SOX5: variants seen among roughly 807,000 people sequenced by gnomAD.
The protein encoded by SOX5 is transcription factor SOX-5.
In SOX5, 9 loss-of-function variants were observed where a neutral mutation model predicts 92.0. The observed-to-expected ratio is 0.10, with a 90% CI of 0.06 to 0.17. SOX5 has a LOEUF of 0.17. SOX5 is among the 10% of genes least tolerant of loss of function. The pLI, the probability that SOX5 is intolerant of heterozygous loss-of-function variation, is 1.00. For missense variants in SOX5, 642 were observed against 944.5 expected (o/e 0.68, Z 4.20); for synonymous variants, 344 against 336.3 (o/e 1.02, Z -0.25).
intron 4 of SOX5, among the ~76,000 whole-genome samples, chr12:23,975,478 G>C (rs1948799060): frequency 6.6e-6 from 1 of 152,040 alleles, no homozygotes; most frequent in African/African-American, 2.4e-5. Flanking sequence ...ACTACGGTTT[G>C]TTTTATCTTT....
At chr12:24,254,569 T>C (rs1180266877) in intron 3 of SOX5, among the ~76,000 whole-genome samples, 1 of 151,892 alleles carries the variant, frequency 6.6e-6, no homozygotes, top group Non-Finnish European at 1.5e-5. Context: ...TTGAAAATTG[T>C]ACTGAAAGTG....
chr12:24,029,324 GA>G (rs1311332152), intron 4 of SOX5, among the ~76,000 whole-genome samples: 7 of 151,950 alleles, frequency 4.6e-5, no homozygotes, highest in African/African-American at 1.7e-4. Context: ...ACTAAAGCCA[GA>G]GTACACTGGC....
chr12:23,820,202 GTTT>G (rs2096079085), intron 3 of SOX5, among the ~76,000 whole-genome samples: 1 of 152,094 alleles, frequency 6.6e-6, no homozygotes, highest in East Asian at 1.9e-4. Context: ...TTTTTTTCAT[GTTT>G]TTTGGCCGCA....
At chr12:24,102,207 T>C (rs1946171483) in intron 4 of SOX5, among the ~76,000 whole-genome samples, 1 of 152,194 alleles carries the variant, frequency 6.6e-6, no homozygotes, top group South Asian at 2.1e-4. Flanking sequence ...AACTACATAG[T>C]ACAACAAATT....
chr12:23,970,985 G>A lies in SOX5; in HGVS notation c.-1-74961C>T, dbSNP rs555595431. Among the ~76,000 whole-genome samples the A allele has an allele frequency of 2.7e-5, 4 of 148,264 alleles. No individual in the cohort carries two copies. In the East Asian group the frequency reaches 7.9e-4, roughly 29 times the overall value. ...GTAATAGTATATTTAGCTTATTGAA[G>A]AACCATCACACTGTTTTCCATAGCA... On this transcript the variant is annotated intron_variant, in intron 4 of 4. Coordinates refer to the SOX5 transcript ENST00000446891.
At chr12:24,555,560 C>T (rs539270524) in intron 1 of SOX5, among the ~76,000 whole-genome samples, 3 of 151,932 alleles carry the variant, frequency 2.0e-5, no homozygotes, top group Non-Finnish European at 4.4e-5. Flanking sequence ...TAAAATACAT[C>T]GGGCATTTCC....
intron 2 of SOX5, among the ~76,000 whole-genome samples, chr12:24,356,714 A>G (rs1954877901): frequency 6.6e-6 from 1 of 151,672 alleles, no homozygotes; most frequent in Non-Finnish European, 1.5e-5. Context: ...TTTCACCCAA[A>G]TCTTTCCTTA....
intron 4 of SOX5, among the ~76,000 whole-genome samples, chr12:24,133,517 G>T (rs1417698351): frequency 6.6e-6 from 1 of 152,140 alleles, no homozygotes; most frequent in Non-Finnish European, 1.5e-5. Flanking sequence ...TTAGTCCAGG[G>T]ATGTGGTTCT....
chr12:23,743,260 T>C (rs1473989163), intron 4 of SOX5, among the ~76,000 whole-genome samples: 1 of 152,146 alleles, frequency 6.6e-6, no homozygotes, highest in Non-Finnish European at 1.5e-5. Context: ...TAGCTACATA[T>C]TAATAGTAGC....
intron 3 of SOX5, among the ~76,000 whole-genome samples, chr12:24,214,544 A>G (rs1959014744): frequency 6.6e-6 from 1 of 152,160 alleles, no homozygotes; most frequent in African/African-American, 2.4e-5. Context: ...TGACTACATT[A>G]TATGACTTCA....
At chr12:23,881,435 G>T (rs1429298881) in intron 2 of SOX5, among the ~76,000 whole-genome samples, 1 of 152,038 alleles carries the variant, frequency 6.6e-6, no homozygotes, top group Admixed American at 6.6e-5. Flanking sequence ...TTAATGCTCT[G>T]CATATGACAA....
chr12:24,406,636 T>G (rs953920117), intron 1 of SOX5, among the ~76,000 whole-genome samples: 4 of 152,120 alleles, frequency 2.6e-5, no homozygotes, highest in Non-Finnish European at 5.9e-5. Context: ...CTTCTGATAT[T>G]AAATTAACTT....
At chr12:23,839,168 T>C (rs2096480491) in intron 3 of SOX5, among the ~76,000 whole-genome samples, 1 of 152,004 alleles carries the variant, frequency 6.6e-6, no homozygotes, top group Non-Finnish European at 1.5e-5. Flanking sequence ...TCTTAATGTC[T>C]CCTGCTAAGA....
At chr12:24,069,767 G>A (rs774955877) in intron 4 of SOX5, among the ~76,000 whole-genome samples, 48 of 152,226 alleles carry the variant, frequency 3.2e-4, no homozygotes, top group Admixed American at 8.5e-4. Flanking sequence ...TTCATAACAC[G>A]AGAGACATAG....
chr12:24,376,337 C>T (rs1008679536), intron 1 of SOX5, among the ~76,000 whole-genome samples: 1 of 152,134 alleles, frequency 6.6e-6, no homozygotes, highest in Non-Finnish European at 1.5e-5. Flanking sequence ...TTGGATGAGC[C>T]ACTTGATCTT....
chr12:23,737,517 G>A (rs1302555725), intron 5 of SOX5, among the ~76,000 whole-genome samples: 1 of 152,076 alleles, frequency 6.6e-6, no homozygotes, highest in Non-Finnish European at 1.5e-5. Flanking sequence ...TCCAGCCCAG[G>A]TGACAATGCG....
chr12:23,944,784 A>G (rs1217127773), intron 1 of SOX5, among the ~76,000 whole-genome samples: 1 of 152,118 alleles, frequency 6.6e-6, no homozygotes, highest in Non-Finnish European at 1.5e-5. Flanking sequence ...AAAATTTTTC[A>G]TTAGGAAGGA....
chr12:24,076,120 A>T (rs746175232), intron 4 of SOX5, among the ~76,000 whole-genome samples: 2 of 152,072 alleles, frequency 1.3e-5, no homozygotes, highest in African/African-American at 4.8e-5. Context: ...CCCTTCTTAC[A>T]GCCCTCTCCA....
At chr12:23,974,608 T>A (rs1378613857) in intron 4 of SOX5, among the ~76,000 whole-genome samples, 2 of 152,186 alleles carry the variant, frequency 1.3e-5, no homozygotes, top group Non-Finnish European at 2.9e-5. Flanking sequence ...AGGTGCATTC[T>A]TCAGTTCTCT....
Sources: allele counts gnomAD v4.1 joint callset (sites outside exome capture counted in the v4.1 genomes callset), GRCh38; gene constraint gnomAD v4.1.1; transcripts MANE v1.5; gene names NCBI Gene and HGNC (gene_info 2026-07-23, HGNC 2026-07-21).